Variants in LEMD3 observed in about 807,000 individuals in gnomAD.
LEMD3 encodes LEM domain containing 3.
LEMD3 carries 33 observed loss-of-function variants against 95.2 expected under a neutral mutation model. That is an observed-to-expected ratio of 0.35 (90% CI 0.26 to 0.46). LEMD3 has a LOEUF of 0.46. LEMD3 is among the 20% of genes least tolerant of loss of function. LEMD3 has a pLI of 1.00. For missense variants in LEMD3, 1,210 were observed against 1,192.8 expected (o/e 1.01, Z -0.21); for synonymous variants, 525 against 474.6 (o/e 1.11, Z -1.38).
At chr12:65,195,376 A>G (rs2136327201) in intron 1 of LEMD3, among the ~76,000 whole-genome samples, 1 of 152,244 alleles carries the variant, frequency 6.6e-6, no homozygotes, top group East Asian at 1.9e-4. Context: ...GCCAGGTCTA[A>G]ATACAAAACT....
Position 65,173,898 on chromosome 12 carries a change from A to T in LEMD3, c.1522+2780A>T, listed in dbSNP as rs533132588. 1.2e-3 allele frequency among the ~76,000 whole-genome samples: 187 copies of T among 152,314 alleles called. 2 individuals carry two copies. Among genetic ancestry groups the T allele is most frequent in the African/African-American group, 4.4e-3 (183 of 41,572 alleles). ...CCTGCTAACTTCAGTTAGTCTGCACACCTAACAGTGTTAGGGTATCAAGAG... is the reference window on the plus strand; with the variant it reads ...CCTGCTAACTTCAGTTAGTCTGCACTCCTAACAGTGTTAGGGTATCAAGAG... On this transcript the variant is annotated intron_variant, in intron 1 of 12. Coordinates refer to ENST00000308330, the MANE Select transcript of LEMD3 (RefSeq NM_014319.5).
chr12:65,232,139 A>G (rs1870648408), intron 4 of LEMD3, among the ~76,000 whole-genome samples: 2 of 152,182 alleles, frequency 1.3e-5, no homozygotes, highest in African/African-American at 4.8e-5. Context: ...CCAATTTAAA[A>G]TGACTGCTTT....
intron 1 of LEMD3, among the ~76,000 whole-genome samples, chr12:65,182,062 TAGAG>T (rs1868923612): frequency 6.6e-6 from 1 of 152,144 alleles, no homozygotes; most frequent in Non-Finnish European, 1.5e-5. Context: ...AACGGAAAGA[TAGAG>T]GGAATAAGGT....
chr12:65,181,202 C>T (rs557378768), intron 1 of LEMD3, among the ~76,000 whole-genome samples: 1 of 152,238 alleles, frequency 6.6e-6, no homozygotes, highest in South Asian at 2.1e-4. Context: ...CTTGGTCAGC[C>T]TTATTAAGGA....
chr12:65,218,880 C>T (rs1402887284), intron 4 of LEMD3, among the ~76,000 whole-genome samples: 1 of 150,904 alleles, frequency 6.6e-6, no homozygotes, highest in Admixed American at 6.6e-5. Flanking sequence ...CGTTCGCAAC[C>T]GGGGTTCAAG....
At chr12:65,204,628 T>C (rs770704941) in intron 1 of LEMD3, among the ~76,000 whole-genome samples, 2 of 152,198 alleles carry the variant, frequency 1.3e-5, no homozygotes, top group Non-Finnish European at 2.9e-5. Context: ...CGAATAGTGC[T>C]GCAGTGAATA....
At chr12:65,178,347 A>G (rs1403709930) in intron 1 of LEMD3, among the ~76,000 whole-genome samples, 2 of 152,194 alleles carry the variant, frequency 1.3e-5, no homozygotes, top group East Asian at 3.8e-4. Context: ...TTTTCCCTAG[A>G]ATGATTTAAA....
intron 6 of LEMD3, 33 bp from the exon 7 acceptor site, chr12:65,239,896 A>G (rs1218288834): frequency 2.1e-6 from 3 of 1,442,470 alleles, no homozygotes; most frequent in East Asian, 4.7e-5. Flanking sequence ...ATTGACCACA[A>G]TTTTTAAAAT....
intron 1 of LEMD3, among the ~76,000 whole-genome samples, chr12:65,180,646 A>G (rs1332681280): frequency 1.3e-5 from 2 of 152,158 alleles, no homozygotes; most frequent in Non-Finnish European, 2.9e-5. Flanking sequence ...GTTTAAAATT[A>G]TACCACTGAA....
At chr12:65,197,816 T>G (rs916076940) in intron 1 of LEMD3, among the ~76,000 whole-genome samples, 1 of 152,134 alleles carries the variant, frequency 6.6e-6, no homozygotes, top group Admixed American at 6.6e-5. Flanking sequence ...TTTATTCCCA[T>G]TCAGTGAATG....
At chr12:65,239,334 G>C (rs1870864062) in intron 6 of LEMD3, among the ~76,000 whole-genome samples, 1 of 151,948 alleles carries the variant, frequency 6.6e-6, no homozygotes, top group Non-Finnish European at 1.5e-5. Flanking sequence ...AGGATTGCTT[G>C]CACTCAGGAG....
chr12:65,189,006 G>T (rs1214564579), intron 1 of LEMD3, among the ~76,000 whole-genome samples: 1 of 152,060 alleles, frequency 6.6e-6, no homozygotes, highest in African/African-American at 2.4e-5. Context: ...CCTGAAAATG[G>T]ATACTATCAA....
At chr12:65,186,363 A>T (rs1248953213) in intron 1 of LEMD3, among the ~76,000 whole-genome samples, 1 of 152,128 alleles carries the variant, frequency 6.6e-6, no homozygotes, top group East Asian at 1.9e-4. Flanking sequence ...TTTAATTTTT[A>T]AAAAATTGTA....
intron 9 of LEMD3, among the ~76,000 whole-genome samples, chr12:65,241,472 A>G (rs1395399196): frequency 3.3e-5 from 5 of 151,900 alleles, no homozygotes; most frequent in African/African-American, 1.2e-4. Flanking sequence ...ATAACTTTTT[A>G]ACTGCTCTTT....
chr12:65,244,012 C>T (rs1203045720), intron 10 of LEMD3, among the ~76,000 whole-genome samples: 1 of 152,140 alleles, frequency 6.6e-6, no homozygotes, highest in Non-Finnish European at 1.5e-5. Context: ...AAGTGACTGC[C>T]TTAGAATTCA....
chr12:65,240,063 A>G (rs1870886371), intron 7 of LEMD3, 33 bp downstream of exon 7: 10 of 1,554,262 alleles, frequency 6.4e-6, no homozygotes, highest in Non-Finnish European at 8.9e-6. Flanking sequence ...AACTATTTCT[A>G]GAAGAGTCAT....
chr12:65,199,180 C>G (rs1393434103), intron 1 of LEMD3, among the ~76,000 whole-genome samples: 2 of 152,022 alleles, frequency 1.3e-5, no homozygotes, highest in African/African-American at 4.8e-5. Context: ...AGTTACTGAT[C>G]AGATTCAGGA....
At chr12:65,240,088 A>G in intron 7 of LEMD3, 48 bp from the exon 8 acceptor site, 1 of 1,548,928 alleles carries the variant, frequency 6.5e-7, no homozygotes, top group Non-Finnish European at 8.9e-7. Context: ...TGATTAAACT[A>G]CATTATGTCA....
intron 4 of LEMD3, among the ~76,000 whole-genome samples, 158 bp downstream of exon 4, chr12:65,218,777 G>C (rs982471936): frequency 7.2e-6 from 1 of 139,102 alleles, no homozygotes; most frequent in African/African-American, 2.7e-5. Context: ...AAGTAAAATT[G>C]TTCAACTTTT....
Sources: allele counts gnomAD v4.1 joint callset (sites outside exome capture counted in the v4.1 genomes callset), GRCh38; gene constraint gnomAD v4.1.1; transcripts MANE v1.5; gene names NCBI Gene and HGNC (gene_info 2026-07-23, HGNC 2026-07-21).